Variants in NR2F2 observed in about 807,000 individuals in gnomAD.
NR2F2 encodes COUP transcription factor 2.
Under a neutral mutation model 34.8 loss-of-function variants are expected in NR2F2, and 2 were observed. The observed-to-expected ratio is 0.06, with a 90% CI of 0.02 to 0.18. NR2F2 has a LOEUF of 0.18. NR2F2 is among the 10% of genes least tolerant of loss of function. NR2F2 has a pLI of 1.00. For missense variants in NR2F2, 300 were observed against 580.1 expected (o/e 0.52, Z 4.96); for synonymous variants, 274 against 251.8 (o/e 1.09, Z -0.84).
chr15:96,330,359 A>G (rs1488014730), upstream of NR2F2, among the ~76,000 whole-genome samples: 1 of 151,544 alleles, frequency 6.6e-6, no homozygotes, highest in East Asian at 2.0e-4. Flanking sequence ...TGGGGAGAGC[A>G]GAGGCAGCGC....
intron 2 of NR2F2, among the ~76,000 whole-genome samples, chr15:96,336,631 G>C (rs962590098): frequency 6.6e-6 from 1 of 151,558 alleles, no homozygotes; most frequent in Non-Finnish European, 1.5e-5. Context: ...TAACAGGGAG[G>C]GGGGATGCTT....
At position 96,332,272 on chromosome 15, in the gene NR2F2, C is replaced by T; in HGVS notation, c.167C>T (p.Ala56Val). The T allele has an allele frequency of 1.9e-6, 3 of 1,551,164 alleles. No homozygotes were observed. The highest frequency in any genetic ancestry group is 1.7e-6 in the Non-Finnish European group (2 of 1,149,036). ...CCAGCCAGCACGCCAGCCCAGACGG[C>T]GGCCGGTGGCCAGGGCGGCCCTGGC... ...GGPASTPAQT[A>V]AGGQGGPGGP... The change falls in exon 1 of 3, where the codon GCG becomes GTG. Residue 56 changes from alanine to valine, a missense_variant. Physicochemically the swap from Ala to Val is moderately conservative, Grantham distance 64 (BLOSUM62 0). Coordinates refer to ENST00000394166, the MANE Select transcript of NR2F2 (RefSeq NM_021005.4).
upstream of NR2F2, among the ~76,000 whole-genome samples, chr15:96,328,961 G>C (rs1453877975): frequency 6.6e-6 from 1 of 152,162 alleles, no homozygotes; most frequent in Non-Finnish European, 1.5e-5. Flanking sequence ...TGTGTGTAAA[G>C]AGAATTGAAT....
In NR2F2 at chr15:96,339,219, T is replaced by C. The variant is rs934268850; in HGVS notation, c.*1597T>C. 6.6e-6 allele frequency: 1 copy of C among 152,220 alleles called. No individual in the cohort carries two copies. The highest frequency in any genetic ancestry group is 2.4e-5 in the African/African-American group (1 of 41,454). The allele number at this position is 152,220 out of a possible 1,614,324, so 9.4% of individuals were successfully genotyped here. ...ATGATCAGAAAAAAATACTCTTTTG[T>C]ACATTTCTGACAGTTACTCAGAAGA... is the stretch of plus-strand genomic sequence containing the variant. On this transcript the variant is annotated 3_prime_UTR_variant, in exon 3 of 3. Transcript: ENST00000394166.
At chr15:96,333,762 C>A in intron 1 of NR2F2, 1 of 1,357,364 alleles carries the variant, frequency 7.4e-7, no homozygotes, top group Non-Finnish European at 9.5e-7. Flanking sequence ...GAAAGATGCC[C>A]TCAGAATGCT....
At position 96,331,157 on chromosome 15, in the gene NR2F2, TCGGCGGCGGCTCCGGCGGCAG is replaced by T. The variant is rs894069740; in HGVS notation, c.-941_-921del. ...CGGCTCCGGGCCCGACCCGGCGGCT[TCGGCGGCGGCTCCGGCGGCAG>T]CGGCGGCCCGGGCGGCCCGCAGGGA... On this transcript the variant is annotated 5_prime_UTR_variant, in exon 1 of 3. Coordinates refer to ENST00000394166, the MANE Select transcript of NR2F2 (RefSeq NM_021005.4). 1.1e-5 allele frequency: 11 copies of T among 1,005,564 alleles called. No homozygotes were observed. The highest frequency in any genetic ancestry group is 4.5e-5 in the South Asian group (1 of 22,002). The allele number at this position is 1,005,564 out of a possible 1,614,324, so 62.3% of individuals were successfully genotyped here.
Position 96,332,032 on chromosome 15 carries a change from C to A in NR2F2, c.-74C>A, listed in dbSNP as rs1899161258. The A allele has an allele frequency of 1.4e-5, 17 of 1,241,926 alleles. No homozygotes were observed. In the South Asian group the frequency reaches 5.4e-4, roughly 40 times the overall value. 76.9% of individuals were successfully genotyped at this position (1,241,926 alleles called of 1,614,324 possible). A position where few individuals can be genotyped will look rare whatever the true frequency, so the allele number is the denominator to read the frequency against. ...AAAGGCGGCGCGCCGGAGCCCGAGACCCGGGGAGCCGCCGCCGCCCCGCCG... is the reference window on the plus strand; with the variant it reads ...AAAGGCGGCGCGCCGGAGCCCGAGAACCGGGGAGCCGCCGCCGCCCCGCCG... On this transcript the variant is annotated 5_prime_UTR_variant, in exon 1 of 3. Transcript: ENST00000394166.
Position 96,338,190 on chromosome 15 carries a change from A to C in NR2F2, c.*568A>C, listed in dbSNP as rs1431432128. On this transcript the variant is annotated 3_prime_UTR_variant, in exon 3 of 3. Transcript: ENST00000394166. ...GTCCATGAAAATACCATAGGAAGAC[A>C]TAAAACTTTAAAAGGCAACTCAAAG... 2 of 152,742 alleles carry C rather than the reference A, an allele frequency of 1.3e-5. No individual in the cohort carries two copies. The allele number at this position is 152,742 out of a possible 1,614,324, so 9.5% of individuals were successfully genotyped here.
chr15:96,337,253 A>C, intron 2 of NR2F2, 95 bp from the exon 3 acceptor site: 1 of 1,449,292 alleles, frequency 6.9e-7, no homozygotes, highest in East Asian at 2.3e-5. Context: ...CATGTGACCC[A>C]ATTCAAACCT....
intron 2 of NR2F2, among the ~76,000 whole-genome samples, chr15:96,337,074 G>A (rs1384943680): frequency 1.3e-5 from 2 of 152,184 alleles, no homozygotes; most frequent in African/African-American, 4.8e-5. Flanking sequence ...CTCGGGCAGT[G>A]AAAGCCTGTA....
chr15:96,330,099 G>C (rs1278331944), upstream of NR2F2, among the ~76,000 whole-genome samples: 1 of 152,162 alleles, frequency 6.6e-6, no homozygotes, highest in Non-Finnish European at 1.5e-5. Context: ...AGCTCAGTTC[G>C]TGGCACCTTC....
Position 96,339,104 on chromosome 15 carries a change from A to C in NR2F2, c.*1482A>C, listed in dbSNP as rs938063451. On this transcript the variant is annotated 3_prime_UTR_variant, in exon 3 of 3. Coordinates refer to ENST00000394166, the MANE Select transcript of NR2F2 (RefSeq NM_021005.4). ...AAAAATGGATTTTCCAGGAAAAAAAAAAAGGCCCTTATATTTGTCACACTT... is the reference window on the plus strand; with the variant it reads ...AAAAATGGATTTTCCAGGAAAAAAACAAAGGCCCTTATATTTGTCACACTT... 4 of 152,174 alleles carry C rather than the reference A, an allele frequency of 2.6e-5. No individual in the cohort carries two copies. Among genetic ancestry groups the C allele is most frequent in the Non-Finnish European group, 5.9e-5 (4 of 68,038 alleles). The allele number at this position is 152,174 out of a possible 1,614,324, so 9.4% of individuals were successfully genotyped here. A position where few individuals can be genotyped will look rare whatever the true frequency, so the allele number is the denominator to read the frequency against.
rs1899434048 is a variant in NR2F2 at position 96,339,399 on chromosome 15, C to CTG, written c.*1778_*1779dup. The stretch of plus-strand genomic sequence containing the variant: ...AAATTCAGTGATACAGGTTCTAAGA[C>CTG]TGAAAGGTCTACTTTTAATGTATAT... On this transcript the variant is annotated 3_prime_UTR_variant, in exon 3 of 3. Transcript: ENST00000394166. 6.6e-6 allele frequency: 1 copy of CTG among 152,126 alleles called. No homozygotes were observed. The highest frequency in any genetic ancestry group is 2.4e-5 in the African/African-American group (1 of 41,416). The allele number at this position is 152,126 out of a possible 1,614,324, so 9.4% of individuals were successfully genotyped here. A position where few individuals can be genotyped will look rare whatever the true frequency, so the allele number is the denominator to read the frequency against.
Position 96,336,412 on chromosome 15 carries a change from G to A in NR2F2, c.971-936G>A, listed in dbSNP as rs373204787. Among the ~76,000 whole-genome samples, 7 of 152,266 alleles carry A rather than the reference G, an allele frequency of 4.6e-5. No individual in the cohort carries two copies. The East Asian group carries it at 1.4e-3, about 29-fold the overall frequency. ...ATATACATATGAGGAGGTTGCATGTGTGTTCTGGTTCTTGGGGTGGAGGTG... is the reference window on the plus strand; with the variant it reads ...ATATACATATGAGGAGGTTGCATGTATGTTCTGGTTCTTGGGGTGGAGGTG... On this transcript the variant is annotated intron_variant, in intron 2 of 2. Coordinates refer to ENST00000394166, the MANE Select transcript of NR2F2 (RefSeq NM_021005.4).
Position 96,331,456 on chromosome 15 carries a change from C to T in NR2F2, c.-650C>T. The T allele has an allele frequency of 8.1e-7, 1 of 1,231,550 alleles. No individual in the cohort carries two copies. The highest frequency in any genetic ancestry group is 1.0e-6 in the Non-Finnish European group (1 of 988,164). The allele number at this position is 1,231,550 out of a possible 1,614,324, so 76.3% of individuals were successfully genotyped here. ...CGCCCGCACCCGGCGCCTCCGATCTCCTAGTCCTCCTGATTTCGATGGCTT... is the reference window on the plus strand; with the variant it reads ...CGCCCGCACCCGGCGCCTCCGATCTTCTAGTCCTCCTGATTTCGATGGCTT... On this transcript the variant is annotated 5_prime_UTR_variant, in exon 1 of 3. Transcript: ENST00000394166.
chr15:96,329,475 T>G (rs1596420831), upstream of NR2F2, among the ~76,000 whole-genome samples: 2 of 152,354 alleles, frequency 1.3e-5, no homozygotes, highest in East Asian at 3.9e-4. Context: ...TGACCTGTAC[T>G]AGTATTATTT....
rs1050054182 is a variant in NR2F2, at chr15:96,332,043, GCCGCCGCC to G, written c.-54_-47del. 30 of 1,233,916 alleles carry G rather than the reference GCCGCCGCC, an allele frequency of 2.4e-5. No individual in the cohort carries two copies. Among genetic ancestry groups the G allele is most frequent in the Middle Eastern group, 3.2e-4 (1 of 3,092 alleles). 76.4% of individuals were successfully genotyped at this position (1,233,916 alleles called of 1,614,324 possible). ...GCCGGAGCCCGAGACCCGGGGAGCC[GCCGCCGCC>G]CCGCCGCCGCCCGCAGCCAGGGGAG... On this transcript the variant is annotated 5_prime_UTR_variant, in exon 1 of 3. Coordinates refer to ENST00000394166, the MANE Select transcript of NR2F2 (RefSeq NM_021005.4).
chr15:96,338,712 T>C lies in NR2F2; in HGVS notation c.*1090T>C, dbSNP rs1161946016. On this transcript the variant is annotated 3_prime_UTR_variant, in exon 3 of 3. Coordinates refer to ENST00000394166, the MANE Select transcript of NR2F2 (RefSeq NM_021005.4). ...TTTTAAGTGCAACATTTCTGTATACTGTAAAAGTTATAATAACTGAACTGT... is the reference window on the plus strand; with the variant it reads ...TTTTAAGTGCAACATTTCTGTATACCGTAAAAGTTATAATAACTGAACTGT... The C allele has an allele frequency of 6.6e-6, 1 of 152,540 alleles. No individual in the cohort carries two copies. Among genetic ancestry groups the C allele is most frequent in the Non-Finnish European group, 1.5e-5 (1 of 68,020 alleles). 9.4% of individuals were successfully genotyped at this position (152,540 alleles called of 1,614,324 possible).
chr15:96,339,432 C>T lies in NR2F2; in HGVS notation c.*1810C>T, dbSNP rs1899434793. 1 of 152,184 alleles carries T rather than the reference C, an allele frequency of 6.6e-6. No individual in the cohort carries two copies. Among genetic ancestry groups the T allele is most frequent in the African/African-American group, 2.4e-5 (1 of 41,432 alleles). The allele number at this position is 152,184 out of a possible 1,614,324, so 9.4% of individuals were successfully genotyped here. A position where few individuals can be genotyped will look rare whatever the true frequency, so the allele number is the denominator to read the frequency against. On this transcript the variant is annotated 3_prime_UTR_variant, in exon 3 of 3. Transcript: ENST00000394166. ...TCTACTTTTAATGTATATATGATAA[C>T]TTGCAGTTGGTTTCCCTCTCCCCTC... is the stretch of plus-strand genomic sequence containing the variant.
Sources: allele counts gnomAD v4.1 joint callset (sites outside exome capture counted in the v4.1 genomes callset), GRCh38; gene constraint gnomAD v4.1.1; transcripts MANE v1.5; gene names NCBI Gene and HGNC (gene_info 2026-07-23, HGNC 2026-07-21).